DECR1: variants seen among roughly 807,000 people sequenced by gnomAD.
The protein encoded by DECR1 is 2,4-dienoyl-CoA reductase 1.
Under a neutral mutation model 38.8 loss-of-function variants are expected in DECR1, and 44 were observed. The observed-to-expected ratio is 1.13, with a 90% confidence interval of 0.89 to 1.46. The LOEUF is 1.46. Ranked by LOEUF, DECR1 falls within the 40% of genes most tolerant of loss-of-function variation. The pLI is 0.00. For missense variants in DECR1, 428 were observed against 405.5 expected, an observed-to-expected ratio of 1.06 and a Z score of -0.48; for synonymous variants, 148 against 135.2, an observed-to-expected ratio of 1.09 and a Z score of -0.66.
In DECR1 at chr8:90,051,693, G is replaced by T; in HGVS notation, c.902G>T (p.Gly301Val). ...TTTTTCCAGGTCATTAAATTTGACG[G>T]TGGAGAGGAAGTACTTATTTCAGGG... ...WINGAVIKFD[G>V]GEEVLISGEF... The change falls in exon 9 of 10, where the codon GGT (glycine) becomes GTT (valine). Residue 301 changes from glycine to valine, a missense_variant. Coordinates refer to ENST00000220764, the MANE Select transcript of DECR1 (RefSeq NM_001359.2). 6.2e-7 allele frequency: 1 copy of T among 1,612,152 alleles called. No homozygotes were observed.
At chr8:90,032,727 T>A (rs1813528280) in intron 5 of DECR1, among the ~76,000 whole-genome samples, 1 of 152,186 alleles carries the variant, frequency 6.6e-6, no homozygotes, top group Admixed American at 6.6e-5. Context: ...CCTTATGCAC[T>A]GCTCAACCAT....
intron 4 of DECR1, among the ~76,000 whole-genome samples, chr8:90,019,989 AG>A (rs1478765347): frequency 6.6e-6 from 1 of 152,210 alleles, no homozygotes; most frequent in Admixed American, 6.5e-5. Context: ...TGCTTCTCCT[AG>A]TAACTTTTGA....
chr8:90,051,174 T>TA (rs200601445), intron 8 of DECR1, among the ~76,000 whole-genome samples: 11,871 of 140,798 alleles, frequency 0.084, 670 homozygotes, highest in East Asian at 0.25. Flanking sequence ...CAAGTATAAT[T>TA]AAAAAAAAAA....
At chr8:90,050,024 A>G (rs1300541211) in intron 8 of DECR1, among the ~76,000 whole-genome samples, 6 of 152,238 alleles carry the variant, frequency 3.9e-5, no homozygotes, top group Admixed American at 3.9e-4. Flanking sequence ...ACAAAAATTA[A>G]TTCAAGATGG....
At chr8:90,003,969 A>T (rs1812681129) in intron 1 of DECR1, among the ~76,000 whole-genome samples, 1 of 152,044 alleles carries the variant, frequency 6.6e-6, no homozygotes, top group South Asian at 2.1e-4. Flanking sequence ...ATAGAATAGG[A>T]TATATCTAAA....
chr8:90,019,110 A>AG lies in DECR1; in HGVS notation c.358dup (p.Asp120GlyfsTer3), dbSNP rs1404674292. 6.2e-7 allele frequency: 1 copy of AG among 1,614,174 alleles called. No homozygotes were observed. The highest frequency in any genetic ancestry group is 1.7e-5 in the Admixed American group (1 of 60,022). On this transcript the variant is annotated frameshift_variant, in exon 4 of 10. Transcript: ENST00000220764. LOFTEE classifies it high-confidence loss of function. ...GGTTCATGCAATTCAGTGTGATGTG[A>AG]GGGATCCTGATATGGTTCAAAACAC... is the stretch of plus-strand genomic sequence containing the variant.
At chr8:90,016,506 T>C (rs1433705144) in intron 1 of DECR1, among the ~76,000 whole-genome samples, 1 of 151,902 alleles carries the variant, frequency 6.6e-6, no homozygotes, top group Non-Finnish European at 1.5e-5. Flanking sequence ...TGGTGGTGTG[T>C]GCCTGTAATC....
At position 90,001,579 on chromosome 8, in the gene DECR1, G is replaced by A. The variant is rs1812612205; in HGVS notation, c.69+18G>A. The stretch of plus-strand genomic sequence containing the variant: ...CTCGGAGGGTAAGGCGGCCGGGGGC[G>A]CGGGGAGCGAGGACAGGGCGTCTCG... On this transcript the variant is annotated intron_variant, in intron 1 of 9. Transcript: ENST00000220764. 1 of 1,609,242 alleles carries A rather than the reference G, an allele frequency of 6.2e-7. No homozygotes were observed. Among genetic ancestry groups the A allele is most frequent in the Non-Finnish European group, 8.5e-7 (1 of 1,176,918 alleles).
At chr8:90,014,137 C>T (rs534127180) in intron 1 of DECR1, among the ~76,000 whole-genome samples, 33 of 152,092 alleles carry the variant, frequency 2.2e-4, no homozygotes, top group African/African-American at 7.2e-4. Flanking sequence ...AATCTTGATA[C>T]GAAAGGTGTT....
At chr8:90,030,604 T>A (rs1586154876) in intron 5 of DECR1, 1 of 152,216 alleles carries the variant, frequency 6.6e-6, no homozygotes, top group East Asian at 1.9e-4. Context: ...TGACCAGTCA[T>A]TGACATGATC....
rs1418171233 is a variant in DECR1, at chr8:90,052,957, A to T, written c.*1060A>T. Among the ~76,000 whole-genome samples, 1 of 152,180 alleles carries T rather than the reference A, an allele frequency of 6.6e-6. No homozygotes were observed. Among genetic ancestry groups the T allele is most frequent in the African/African-American group, 2.4e-5 (1 of 41,432 alleles). ...CCACAAGCCCATGGAAACCCCAATT[A>T]ACATTGACAGTTAATTGTGTACATA... On this transcript the variant is annotated 3_prime_UTR_variant, in exon 10 of 10. Transcript: ENST00000220764.
At chr8:90,004,564 C>G (rs910323919) in intron 1 of DECR1, among the ~76,000 whole-genome samples, 3 of 152,178 alleles carry the variant, frequency 2.0e-5, no homozygotes, top group African/African-American at 7.2e-5. Context: ...TTGGATGTCA[C>G]ATTTTCCCTT....
chr8:90,050,776 G>A (rs1441103954), intron 8 of DECR1, among the ~76,000 whole-genome samples: 1 of 152,106 alleles, frequency 6.6e-6, no homozygotes, highest in African/African-American at 2.4e-5. Context: ...AACCAACCCA[G>A]ATGTCTATCA....
At chr8:90,023,806 G>A (rs1462272645) in intron 5 of DECR1, among the ~76,000 whole-genome samples, 1 of 152,008 alleles carries the variant, frequency 6.6e-6, no homozygotes, top group African/African-American at 2.4e-5. Context: ...CCATGTTGGT[G>A]TGCTGCACTC....
chr8:90,028,791 T>C (rs1813419990), intron 5 of DECR1, among the ~76,000 whole-genome samples: 1 of 152,018 alleles, frequency 6.6e-6, no homozygotes, highest in Non-Finnish European at 1.5e-5. Context: ...ATCTAATGTT[T>C]ATTGAGTGCT....
intron 1 of DECR1, among the ~76,000 whole-genome samples, chr8:90,006,898 C>T (rs1347293667): frequency 6.6e-6 from 1 of 152,126 alleles, no homozygotes; most frequent in Non-Finnish European, 1.5e-5. Context: ...GGCCCCTGAG[C>T]TAAGGACAGT....
At chr8:90,008,585 C>A (rs1156533378) in intron 1 of DECR1, among the ~76,000 whole-genome samples, 3 of 152,088 alleles carry the variant, frequency 2.0e-5, no homozygotes, top group African/African-American at 7.2e-5. Flanking sequence ...GTTAATGAAA[C>A]AGGCAAAAAT....
chr8:90,019,334 C>T (rs890955401), intron 4 of DECR1, among the ~76,000 whole-genome samples, 162 bp downstream of exon 4: 1 of 152,296 alleles, frequency 6.6e-6, no homozygotes, highest in Admixed American at 6.5e-5. Flanking sequence ...GGAAAGAATT[C>T]AAGGATGAGC....
intron 5 of DECR1, among the ~76,000 whole-genome samples, chr8:90,026,912 G>T (rs563014782): frequency 1.3e-5 from 2 of 152,234 alleles, no homozygotes; most frequent in Admixed American, 1.3e-4. Flanking sequence ...AGAGATTCTG[G>T]TATGTTGTGT....
Sources: allele counts gnomAD v4.1 joint callset (sites outside exome capture counted in the v4.1 genomes callset), GRCh38; gene constraint gnomAD v4.1.1; transcripts MANE v1.5; gene names NCBI Gene and HGNC (gene_info 2026-07-23, HGNC 2026-07-21).